FKBP15: variants seen among roughly 807,000 people sequenced by gnomAD.
The protein encoded by FKBP15 is FK506-binding protein 15.
In FKBP15, 106 loss-of-function variants were observed where a neutral mutation model predicts 158.1. The ratio of observed to expected loss-of-function variants is 0.67; its 90% CI spans 0.57 to 0.79. The LOEUF (loss-of-function observed/expected upper bound fraction) is 0.79, where lower values mean the gene tolerates loss of function less well. FKBP15 is among the 30% of genes least tolerant of loss of function. FKBP15 has a pLI of 0.00. For synonymous variants in FKBP15, 547 were observed against 548.6 expected, an observed-to-expected ratio of 1.00 and a Z score of 0.04; for missense variants, 1,287 against 1,479.1, an observed-to-expected ratio of 0.87 and a Z score of 2.13.
Position 113,184,210 on chromosome 9 carries a change from G to C in FKBP15, c.1716+82C>G, listed in dbSNP as rs1301651971. 1 of 885,606 alleles carries C rather than the reference G, an allele frequency of 1.1e-6. No individual in the cohort carries two copies. Among genetic ancestry groups the C allele is most frequent in the African/African-American group, 1.7e-5 (1 of 59,620 alleles). The allele number at this position is 885,606 out of a possible 1,614,324, so 54.9% of individuals were successfully genotyped here. ...TTTATCACAGGCTATTTCTGGGGTG[G>C]AGGTGTTAAAGAGTAGTACCTCTGA... On this transcript the variant is annotated intron_variant, in intron 17 of 27. Transcript: ENST00000238256. This position sits in a 1 kb window ranked among gnomAD's most constrained non-coding sequence, Gnocchi z 4.5.
chr9:113,195,285 A>G (rs1830654290), intron 9 of FKBP15, among the ~76,000 whole-genome samples: 1 of 152,080 alleles, frequency 6.6e-6, no homozygotes, highest in South Asian at 2.1e-4. Flanking sequence ...CTTTCTGAAC[A>G]CTCTTGCCAC....
In FKBP15 at chr9:113,169,224, C is replaced by T. The variant is rs1194196971; in HGVS notation, c.3485G>A (p.Ser1162Asn). 4 of 1,611,236 alleles carry T rather than the reference C, an allele frequency of 2.5e-6. No homozygotes were observed. The highest frequency in any genetic ancestry group is 3.4e-6 in the Non-Finnish European group (4 of 1,178,360). ...TGAAGCAGTGCTCAGAGGAACATAC[C>T]TGGAACGCTGGGAATGATGGCTGGG... ...LRPSHHSQRS[S>N]LSGDEEDELF... Residue 1162 changes from serine (S) to asparagine (N), a missense_variant and splice_region_variant, in exon 26 of 28, where the codon AGT becomes AAT. Ser to Asn is a conservative substitution (Grantham distance 46). Coordinates refer to ENST00000238256, the MANE Select transcript of FKBP15 (RefSeq NM_015258.2).
chr9:113,192,017 A>T (rs1364673935), intron 11 of FKBP15, among the ~76,000 whole-genome samples: 2 of 143,680 alleles, frequency 1.4e-5, no homozygotes, highest in South Asian at 2.2e-4. Flanking sequence ...TGCCTCCATT[A>T]AAAAAAACAA....
At chr9:113,180,262 T>G (rs1006340993) in intron 19 of FKBP15, among the ~76,000 whole-genome samples, 10 of 152,160 alleles carry the variant, frequency 6.6e-5, no homozygotes, top group African/African-American at 2.4e-4. Flanking sequence ...CAAATGTACA[T>G]GTACACAGAA....
In FKBP15 at chr9:113,163,725, A is replaced by G. The variant is rs1387017132; in HGVS notation, c.*2353T>C. ...CTGCCTGCAGGAAGAAGATGATCTG[A>G]TGGCCGTGGGTGTCTGGGAAGCTCT... On this transcript the variant is annotated 3_prime_UTR_variant, in exon 28 of 28. Transcript: ENST00000238256. 2.0e-5 allele frequency: 3 copies of G among 152,448 alleles called. No individual in the cohort carries two copies. Among genetic ancestry groups the G allele is most frequent in the Admixed American group, 2.0e-4 (3 of 15,286 alleles). The allele number at this position is 152,448 out of a possible 1,614,324, so 9.4% of individuals were successfully genotyped here.
At chr9:113,212,468 T>C (rs1831028520) in intron 1 of FKBP15, among the ~76,000 whole-genome samples, 1 of 152,146 alleles carries the variant, frequency 6.6e-6, no homozygotes, top group Admixed American at 6.6e-5. Context: ...GGATTACAGG[T>C]GTGAGCCACC....
At chr9:113,221,055 G>T in intron 1 of FKBP15, 136 bp downstream of exon 1, 1 of 904,160 alleles carries the variant, frequency 1.1e-6, no homozygotes, top group Non-Finnish European at 1.6e-6. Flanking sequence ...GATTCTGAGA[G>T]GTGTAGAGCA....
At position 113,183,733 on chromosome 9, in the gene FKBP15, C is replaced by T. The variant is rs760778937; in HGVS notation, c.1811+18G>A. The stretch of plus-strand genomic sequence containing the variant: ...AACCCTTTTGTCCATCCTAGCCAGG[C>T]CCCGTACCTGTCATTACCTCTGATT... On this transcript the variant is annotated intron_variant, in intron 18 of 27. Transcript: ENST00000238256. 3 of 1,565,756 alleles carry T rather than the reference C, an allele frequency of 1.9e-6. No homozygotes were observed. Among genetic ancestry groups the T allele is most frequent in the South Asian group, 2.2e-5 (2 of 89,918 alleles).
Position 113,161,769 on chromosome 9 carries a change from G to A in FKBP15, c.*4309C>T, listed in dbSNP as rs756430896. On this transcript the variant is annotated 3_prime_UTR_variant, in exon 28 of 28. Transcript: ENST00000238256. ...CCTGAGAGACAGGCTGGCCCAGACA[G>A]CATTAGCCCCACTTCACAGAGAGGA... is the stretch of plus-strand genomic sequence containing the variant. The A allele has an allele frequency of 9.2e-6, 14 of 1,525,344 alleles. No individual in the cohort carries two copies. The highest frequency in any genetic ancestry group is 1.7e-4 in the Middle Eastern group (1 of 5,950). The allele number at this position is 1,525,344 out of a possible 1,614,324, so 94.5% of individuals were successfully genotyped here.
intron 6 of FKBP15, among the ~76,000 whole-genome samples, chr9:113,201,848 T>C (rs1317154992): frequency 6.6e-6 from 1 of 152,222 alleles, no homozygotes; most frequent in Non-Finnish European, 1.5e-5. Context: ...AGATGAATTA[T>C]ACATTTTTAA....
intron 27 of FKBP15, among the ~76,000 whole-genome samples, chr9:113,168,074 A>G (rs966926439): frequency 7.2e-5 from 11 of 152,230 alleles, no homozygotes; most frequent in South Asian, 6.2e-4. Flanking sequence ...TTTTTTATCT[A>G]TGAATAAGGA....
chr9:113,173,325 A>G, intron 23 of FKBP15, 128 bp downstream of exon 23: 1 of 924,746 alleles, frequency 1.1e-6, no homozygotes. Context: ...GACAAGCTAA[A>G]CAAGTGTGGT....
Position 113,184,598 on chromosome 9 carries a change from A to T in FKBP15, c.1608+97T>A. 9.5e-7 allele frequency: 1 copy of T among 1,048,084 alleles called. No individual in the cohort carries two copies. Among genetic ancestry groups the T allele is most frequent in the Non-Finnish European group, 1.4e-6 (1 of 692,738 alleles). The allele number at this position is 1,048,084 out of a possible 1,614,324, so 64.9% of individuals were successfully genotyped here. A position where few individuals can be genotyped will look rare whatever the true frequency, so the allele number is the denominator to read the frequency against. ...TGTAGGGAAATAACCTCTCACTACT[A>T]CCAATGCAGGAAATCAAAGAAGAGT... On this transcript the variant is annotated intron_variant, in intron 16 of 27. Coordinates refer to ENST00000238256, the MANE Select transcript of FKBP15 (RefSeq NM_015258.2). The surrounding 1 kb of genome is among the most constrained non-coding windows in gnomAD (Gnocchi z 4.5).
intron 2 of FKBP15, among the ~76,000 whole-genome samples, chr9:113,208,060 T>C (rs553028747): frequency 9.2e-5 from 14 of 152,216 alleles, no homozygotes; most frequent in African/African-American, 3.4e-4. Context: ...TACTACAGAG[T>C]AGGCTGGGCG....
At chr9:113,217,208 T>TTG (rs1242218938) in intron 1 of FKBP15, among the ~76,000 whole-genome samples, 129 of 143,574 alleles carry the variant, frequency 9.0e-4, no homozygotes, top group Admixed American at 2.2e-3. Flanking sequence ...CCAGTTTTTT[T>TTG]TTTTTTTTTT....
Position 113,162,572 on chromosome 9 carries a change from GT to G in FKBP15, c.*3505del. On this transcript the variant is annotated 3_prime_UTR_variant, in exon 28 of 28. Coordinates refer to ENST00000238256, the MANE Select transcript of FKBP15 (RefSeq NM_015258.2). ...ATGTCTCTTTAAAAATAAATCTCGA[GT>G]TTTTTCTGGGGGCGGGGGTGGGAGG... 1 of 457,736 alleles carries G rather than the reference GT, an allele frequency of 2.2e-6. No individual in the cohort carries two copies. The highest frequency in any genetic ancestry group is 3.6e-6 in the Non-Finnish European group (1 of 280,504). The allele number at this position is 457,736 out of a possible 1,614,324, so 28.4% of individuals were successfully genotyped here. A position where few individuals can be genotyped will look rare whatever the true frequency, so the allele number is the denominator to read the frequency against.
At chr9:113,207,319 A>G in intron 2 of FKBP15, 23 bp from the exon 3 acceptor site, 1 of 1,564,186 alleles carries the variant, frequency 6.4e-7, no homozygotes, top group Non-Finnish European at 8.7e-7. Context: ...AAGAAAACAA[A>G]GTTGTCATTC....
At chr9:113,180,723 T>G (rs10817453) in intron 19 of FKBP15, among the ~76,000 whole-genome samples, 58,052 of 152,094 alleles carry the variant, frequency 0.38, 11,747 homozygotes, top group East Asian at 0.77. Context: ...TACCCTTTCA[T>G]TCTCTGATCC....
Position 113,203,786 on chromosome 9 carries a change from C to A in FKBP15, c.325-751G>T, listed in dbSNP as rs1830838336. ...AGGTGATCCGCCCACCTTGGCCTCC[C>A]AAAGTGCTGAGATTACAGGTGTGAG... On this transcript the variant is annotated intron_variant, in intron 4 of 27. Coordinates refer to ENST00000238256, the MANE Select transcript of FKBP15 (RefSeq NM_015258.2). 2.0e-5 allele frequency among the ~76,000 whole-genome samples: 3 copies of A among 152,138 alleles called. No homozygotes were observed. The South Asian group carries it at 6.2e-4, about 31-fold the overall frequency.
Sources: allele counts gnomAD v4.1 joint callset (sites outside exome capture counted in the v4.1 genomes callset), GRCh38; gene constraint gnomAD v4.1.1; non-coding constraint Gnocchi (gnomAD v3.1); transcripts MANE v1.5; gene names NCBI Gene and HGNC (gene_info 2026-07-23, HGNC 2026-07-21).